Variants in TRIM33 observed in about 807,000 individuals in gnomAD.
TRIM33 encodes the protein E3 ubiquitin-protein ligase TRIM33.
A neutral mutation model predicts 125.4 loss-of-function variants in TRIM33; 20 were observed. That is an observed-to-expected ratio of 0.16 (90% CI 0.11 to 0.23). The LOEUF is 0.23. Ranked by LOEUF, TRIM33 falls within the 10% of genes least tolerant of loss-of-function variation. The probability of loss-of-function intolerance (pLI) is 1.00; values close to 1 mark genes in which losing one functional copy is unlikely to be tolerated. For synonymous variants in TRIM33, 564 were observed against 513.9 expected, an observed-to-expected ratio of 1.10 and a Z score of -1.32; for missense variants, 920 against 1,411.4, an observed-to-expected ratio of 0.65 and a Z score of 5.58.
At position 114,436,649 on chromosome 1, in the gene TRIM33, G is replaced by A. The variant is rs567244083; in HGVS notation, c.924-2916C>T. On this transcript the variant is annotated intron_variant, in intron 4 of 19. Coordinates refer to ENST00000358465, the MANE Select transcript of TRIM33 (RefSeq NM_015906.4). ...CTGGCTAATTTTTGTATGTTTAGTA[G>A]AGATGGGGTTTTGCCATGTTGGCCG... Among the ~76,000 whole-genome samples the A allele has an allele frequency of 2.0e-5, 3 of 152,102 alleles. No individual in the cohort carries two copies. In the East Asian group the frequency reaches 5.9e-4, roughly 30 times the overall value.
chr1:114,424,115 C>T (rs1186381916), intron 10 of TRIM33, among the ~76,000 whole-genome samples: 2 of 151,636 alleles, frequency 1.3e-5, no homozygotes, highest in African/African-American at 4.8e-5. Flanking sequence ...TATCTACATC[C>T]TAAAAGGAAG....
intron 1 of TRIM33, among the ~76,000 whole-genome samples, chr1:114,500,912 C>CTCTAAGAAGGCTGCA (rs1570678988): frequency 1.1e-4 from 7 of 65,474 alleles, no homozygotes; most frequent in African/African-American, 1.6e-4. Flanking sequence ...AATTTGGGGC[C>CTCTAAGAAGGCTGCA]GGGCGCGGTG....
chr1:114,410,423 C>A, intron 11 of TRIM33, 107 bp from the exon 12 acceptor site: 1 of 1,130,904 alleles, frequency 8.8e-7, no homozygotes, highest in Non-Finnish European at 1.2e-6. Flanking sequence ...ACAGATTATC[C>A]AATATCAAGC....
At chr1:114,418,639 AT>A (rs1163368278) in intron 11 of TRIM33, among the ~76,000 whole-genome samples, 1 of 152,216 alleles carries the variant, frequency 6.6e-6, no homozygotes, top group African/African-American at 2.4e-5. Flanking sequence ...TCTGGAGGTC[AT>A]AATATAGACA....
chr1:114,405,847 T>A, intron 14 of TRIM33, 88 bp from the exon 15 acceptor site: 1 of 1,138,324 alleles, frequency 8.8e-7, no homozygotes, highest in South Asian at 1.5e-5. Context: ...TGAATATGCA[T>A]ATAGATATAC....
chr1:114,397,589 G>GTTTTTTTTTTTTTTTTC lies in TRIM33; in HGVS notation c.*42_*58dup. ...CTTAAAAGTTTTCTGGGTTTTTTGT[G>GTTTTTTTTTTTTTTTTC]TTTTTTTTTTTTTTTTCGTTTTTTT... On this transcript the variant is annotated 3_prime_UTR_variant, in exon 20 of 20. Coordinates refer to ENST00000358465, the MANE Select transcript of TRIM33 (RefSeq NM_015906.4). 1.6e-6 allele frequency: 1 copy of GTTTTTTTTTTTTTTTTC among 637,682 alleles called. No homozygotes were observed. 39.5% of individuals were successfully genotyped at this position (637,682 alleles called of 1,614,324 possible). A position where few individuals can be genotyped will look rare whatever the true frequency, so the allele number is the denominator to read the frequency against.
chr1:114,500,153 TGA>T (rs1454087530), intron 1 of TRIM33, among the ~76,000 whole-genome samples: 1 of 152,160 alleles, frequency 6.6e-6, no homozygotes, highest in African/African-American at 2.4e-5. Context: ...GGCAACAAAG[TGA>T]GACTCTGTCT....
At chr1:114,415,690 C>T (rs1451941753) in intron 11 of TRIM33, among the ~76,000 whole-genome samples, 1 of 152,120 alleles carries the variant, frequency 6.6e-6, no homozygotes, top group Non-Finnish European at 1.5e-5. Context: ...GTGGCTCACG[C>T]CTGTAATCCC....
chr1:114,463,355 G>A, intron 3 of TRIM33, 57 bp downstream of exon 3: 1 of 1,558,592 alleles, frequency 6.4e-7, no homozygotes, highest in Non-Finnish European at 8.7e-7. Flanking sequence ...ATTCTATAGG[G>A]GCAAAAGAAG....
intron 12 of TRIM33, among the ~76,000 whole-genome samples, chr1:114,409,378 T>A (rs1360053892): frequency 1.3e-5 from 2 of 152,196 alleles, no homozygotes; most frequent in African/African-American, 4.8e-5. Flanking sequence ...ATTTTAATAG[T>A]TTTCAGCAAA....
At chr1:114,423,624 T>C (rs1339247007) in intron 10 of TRIM33, among the ~76,000 whole-genome samples, 1 of 151,760 alleles carries the variant, frequency 6.6e-6, no homozygotes, top group Non-Finnish European at 1.5e-5. Flanking sequence ...GGTCACAAAC[T>C]CCTGGGCTCA....
intron 10 of TRIM33, among the ~76,000 whole-genome samples, chr1:114,424,275 A>AT (rs925976675): frequency 3.3e-5 from 5 of 152,146 alleles, no homozygotes; most frequent in African/African-American, 1.2e-4. Flanking sequence ...TGTTCTTGCT[A>AT]TTTTATCATT....
intron 1 of TRIM33, among the ~76,000 whole-genome samples, chr1:114,479,848 G>A (rs1042489489): frequency 6.6e-6 from 1 of 151,824 alleles, no homozygotes; most frequent in African/African-American, 2.4e-5. Flanking sequence ...CAGCTGCCCC[G>A]TCCGGGAGGG....
At chr1:114,435,066 C>T (rs776471371) in intron 4 of TRIM33, among the ~76,000 whole-genome samples, 11 of 152,186 alleles carry the variant, frequency 7.2e-5, no homozygotes, top group Non-Finnish European at 1.2e-4. Context: ...AAGTATAGCA[C>T]ACTATTTGTG....
intron 4 of TRIM33, among the ~76,000 whole-genome samples, chr1:114,452,390 G>A (rs1649365624): frequency 6.6e-6 from 1 of 152,060 alleles, no homozygotes; most frequent in South Asian, 2.1e-4. Context: ...AAACCGGGAG[G>A]CGGAGGTTGC....
chr1:114,489,200 C>A (rs576598136), intron 1 of TRIM33, among the ~76,000 whole-genome samples: 2 of 152,308 alleles, frequency 1.3e-5, no homozygotes, highest in East Asian at 3.9e-4. Flanking sequence ...GTAGTCTTTT[C>A]ACTAAATGAT....
intron 4 of TRIM33, among the ~76,000 whole-genome samples, chr1:114,442,496 C>T (rs1648711638): frequency 6.6e-6 from 1 of 151,850 alleles, no homozygotes; most frequent in Admixed American, 6.6e-5. Flanking sequence ...TTGAGACCAG[C>T]CTGGCCAATA....
At chr1:114,503,094 C>T (rs1652805355) in intron 1 of TRIM33, among the ~76,000 whole-genome samples, 2 of 152,116 alleles carry the variant, frequency 1.3e-5, no homozygotes, top group African/African-American at 2.4e-5. Flanking sequence ...TGATATAACA[C>T]AAAAACTTAA....
chr1:114,488,952 A>T (rs1651885757), intron 1 of TRIM33, among the ~76,000 whole-genome samples: 1 of 152,152 alleles, frequency 6.6e-6, no homozygotes, highest in Non-Finnish European at 1.5e-5. Context: ...GGGGAAGGTG[A>T]GGTGGGAGGA....
Sources: allele counts gnomAD v4.1 joint callset (sites outside exome capture counted in the v4.1 genomes callset), GRCh38; gene constraint gnomAD v4.1.1; transcripts MANE v1.5; gene names NCBI Gene and HGNC (gene_info 2026-07-23, HGNC 2026-07-21).